The following MICU3 variants were observed in gnomAD, a reference collection of about 807,000 sequenced individuals.
The protein encoded by MICU3 is calcium uptake protein 3, mitochondrial.
In MICU3, 62 loss-of-function variants were observed where a neutral mutation model predicts 66.5. The observed-to-expected ratio is 0.93, with a 90% CI of 0.76 to 1.15. The LOEUF (loss-of-function observed/expected upper bound fraction) is 1.15, where lower values mean the gene tolerates loss of function less well. Among genes scored for constraint, MICU3 ranks in the 50% most tolerant of loss-of-function variants. MICU3 has a pLI of 0.00. For synonymous variants in MICU3, 308 were observed against 240.7 expected (o/e 1.28, Z -2.59); for missense variants, 779 against 664.4 (o/e 1.17, Z -1.90).
chr8:17,056,635 A>G (rs1231121378), intron 1 of MICU3, among the ~76,000 whole-genome samples: 1 of 152,238 alleles, frequency 6.6e-6, no homozygotes, highest in Non-Finnish European at 1.5e-5. Context: ...TATATAAAGG[A>G]AATCACTAGG....
At chr8:17,116,723 A>C in intron 13 of MICU3, 123 bp downstream of exon 13, 1 of 714,712 alleles carries the variant, frequency 1.4e-6, no homozygotes, top group Non-Finnish European at 2.2e-6. Flanking sequence ...GCTTTATTTG[A>C]AAAGAAAAAA....
At chr8:17,137,846 A>T in the MICU3 span, among the ~76,000 whole-genome samples, 2 of 151,230 alleles carry the variant, frequency 1.3e-5, no homozygotes, top group East Asian at 3.9e-4. Context: ...CCTCCTGAGT[A>T]GCTGGGACTA....
At chr8:17,070,190 T>C (rs1442154293) in intron 3 of MICU3, among the ~76,000 whole-genome samples, 1 of 151,912 alleles carries the variant, frequency 6.6e-6, no homozygotes, top group African/African-American at 2.4e-5. Flanking sequence ...GCAGGAGAGG[T>C]TCACAAGAAT....
chr8:17,075,329 CCT>C (rs1356553883), intron 3 of MICU3, among the ~76,000 whole-genome samples: 6 of 152,128 alleles, frequency 3.9e-5, no homozygotes, highest in Non-Finnish European at 5.9e-5. Flanking sequence ...TAATCTGTAG[CCT>C]CTCTCTTCTC....
At chr8:17,084,234 G>A (rs1381183842) in intron 5 of MICU3, among the ~76,000 whole-genome samples, 1 of 152,016 alleles carries the variant, frequency 6.6e-6, no homozygotes, top group African/African-American at 2.4e-5. Flanking sequence ...CTTCTTTTCT[G>A]TATGTATTTT....
chr8:17,039,150 A>T (rs904619152), intron 1 of MICU3, among the ~76,000 whole-genome samples: 2 of 152,164 alleles, frequency 1.3e-5, no homozygotes, highest in African/African-American at 4.8e-5. Context: ...GTATTTTTAA[A>T]TTAAGTTATG....
rs1554541246 is a variant in MICU3, at chr8:17,119,552, G to GATAGATAGATAGATAA, written c.*1-721_*1-720insAATAGATAGATAGATA. On this transcript the variant is annotated intron_variant, in intron 14 of 14. Transcript: ENST00000318063. ...TGAAGCATAGATAGATAGATAGATA[G>GATAGATAGATAGATAA]ATAGATAGATAGATAGATAGATAGA... 1.4e-3 allele frequency among the ~76,000 whole-genome samples: 215 copies of GATAGATAGATAGATAA among 148,738 alleles called. 3 individuals are homozygous for GATAGATAGATAGATAA. The highest frequency in any genetic ancestry group is 5.1e-3 in the African/African-American group (205 of 40,386).
At chr8:17,099,408 G>A (rs911376573) in intron 9 of MICU3, among the ~76,000 whole-genome samples, 1 of 151,626 alleles carries the variant, frequency 6.6e-6, no homozygotes, top group African/African-American at 2.4e-5. Flanking sequence ...AATATCTGGA[G>A]AAGTAAACTG....
chr8:17,045,392 A>G (rs1814901437), intron 1 of MICU3, among the ~76,000 whole-genome samples: 1 of 152,214 alleles, frequency 6.6e-6, no homozygotes, highest in African/African-American at 2.4e-5. Flanking sequence ...AGAGAGGTCA[A>G]GAAGAATCTG....
At chr8:17,094,466 T>C (rs1344902489) in intron 8 of MICU3, among the ~76,000 whole-genome samples, 1 of 152,020 alleles carries the variant, frequency 6.6e-6, no homozygotes, top group Non-Finnish European at 1.5e-5. Context: ...ACTTCAAAAA[T>C]ATAGTGAGAA....
intron 1 of MICU3, among the ~76,000 whole-genome samples, chr8:17,048,733 C>A (rs948816196): frequency 2.0e-5 from 3 of 152,096 alleles, no homozygotes; most frequent in Non-Finnish European, 4.4e-5. Context: ...CTCTTGCCTC[C>A]GCTTCCTGAG....
At chr8:17,029,824 T>G (rs940469536) in intron 1 of MICU3, among the ~76,000 whole-genome samples, 10 of 152,220 alleles carry the variant, frequency 6.6e-5, no homozygotes, top group Admixed American at 1.3e-4. Flanking sequence ...ATTGTTTCTT[T>G]GATGATTTTT....
chr8:17,064,402 C>T (rs1818357876), intron 2 of MICU3, among the ~76,000 whole-genome samples, 165 bp downstream of exon 2: 1 of 152,098 alleles, frequency 6.6e-6, no homozygotes, highest in African/African-American at 2.4e-5. Flanking sequence ...CAAACTCTTA[C>T]TCACATCTCT....
intron 1 of MICU3, among the ~76,000 whole-genome samples, chr8:17,031,925 A>T (rs7842867): frequency 0.29 from 44,177 of 151,968 alleles, 7,519 homozygotes; most frequent in East Asian, 0.61. Context: ...TAATTATTTG[A>T]TCATTGTTTG....
At chr8:17,046,855 C>G (rs1815180135) in intron 1 of MICU3, among the ~76,000 whole-genome samples, 1 of 152,046 alleles carries the variant, frequency 6.6e-6, no homozygotes, top group African/African-American at 2.4e-5. Context: ...ACACATGGCT[C>G]CATACCACCT....
chr8:17,075,301 T>C (rs1338497382), intron 3 of MICU3, among the ~76,000 whole-genome samples: 1 of 152,192 alleles, frequency 6.6e-6, no homozygotes, highest in African/African-American at 2.4e-5. Flanking sequence ...ATTGAATTAT[T>C]GGCTGTGTGA....
At chr8:17,090,405 C>G (rs1278225749) in intron 7 of MICU3, 141 bp from the exon 8 acceptor site, 1 of 627,492 alleles carries the variant, frequency 1.6e-6, no homozygotes, top group Non-Finnish European at 2.8e-6. Flanking sequence ...TTGTATTGTT[C>G]GTGTGCTCTA....
intron 1 of MICU3, among the ~76,000 whole-genome samples, chr8:17,044,562 T>C (rs1281690634): frequency 1.3e-5 from 2 of 152,206 alleles, no homozygotes; most frequent in Non-Finnish European, 2.9e-5. Flanking sequence ...CATTGTGGTA[T>C]ATTGATTGAC....
intron 11 of MICU3, among the ~76,000 whole-genome samples, chr8:17,113,004 T>A (rs988608051): frequency 2.0e-5 from 3 of 152,172 alleles, no homozygotes; most frequent in South Asian, 2.1e-4. Flanking sequence ...AAATGATCAA[T>A]GTAAGGAAAG....
Sources: allele counts gnomAD v4.1 joint callset (sites outside exome capture counted in the v4.1 genomes callset), GRCh38; gene constraint gnomAD v4.1.1; transcripts MANE v1.5; gene names NCBI Gene and HGNC (gene_info 2026-07-23, HGNC 2026-07-21).